Variants in JAKMIP3 observed in about 807,000 individuals in gnomAD.
The protein encoded by JAKMIP3 is janus kinase and microtubule-interacting protein 3.
A neutral mutation model predicts 118.5 loss-of-function variants in JAKMIP3; 58 were observed. The ratio of observed to expected loss-of-function variants is 0.49; its 90% CI spans 0.40 to 0.61. JAKMIP3 has a LOEUF of 0.61. Ranked by LOEUF, JAKMIP3 falls within the 20% of genes least tolerant of loss-of-function variation. JAKMIP3 has a pLI of 0.00. For missense variants in JAKMIP3, 950 were observed against 1,109.0 expected, an observed-to-expected ratio of 0.86 and a Z score of 2.04; for synonymous variants, 486 against 451.2, an observed-to-expected ratio of 1.08 and a Z score of -0.98.
chr10:132,160,995 T>A (rs1445531117), intron 19 of JAKMIP3, among the ~76,000 whole-genome samples: 13 of 2,544 alleles, frequency 5.1e-3, no homozygotes, highest in African/African-American at 0.017. Context: ...TGTGTGATGC[T>A]GGGGGGGGCC....
intron 1 of JAKMIP3, among the ~76,000 whole-genome samples, chr10:132,045,897 G>A (rs2133783629): frequency 6.8e-6 from 1 of 147,982 alleles, no homozygotes; most frequent in South Asian, 2.1e-4. Context: ...TTGCATCACT[G>A]CACTCCAGCC....
chr10:132,120,261 G>A (rs2048335880), intron 3 of JAKMIP3, among the ~76,000 whole-genome samples: 1 of 152,184 alleles, frequency 6.6e-6, no homozygotes, highest in South Asian at 2.1e-4. Context: ...GCCCGTGAGA[G>A]CCCCTGCCCC....
chr10:132,110,293 C>T (rs1448198706), intron 2 of JAKMIP3, among the ~76,000 whole-genome samples: 4 of 152,264 alleles, frequency 2.6e-5, no homozygotes, highest in Non-Finnish European at 4.4e-5. Flanking sequence ...AGCTCAGGCA[C>T]GGGCAGGTGC....
chr10:132,177,848 G>A (rs1450750287), intron 23 of JAKMIP3, among the ~76,000 whole-genome samples: 1 of 137,642 alleles, frequency 7.3e-6, no homozygotes, highest in Non-Finnish European at 1.5e-5. Context: ...TGTGCCCTGG[G>A]TAGTGTGCGT....
intron 1 of JAKMIP3, among the ~76,000 whole-genome samples, chr10:132,093,374 A>G (rs2043353034): frequency 6.6e-6 from 1 of 152,184 alleles, no homozygotes; most frequent in Admixed American, 6.5e-5. Flanking sequence ...TGGAGTCTAC[A>G]GAGGCAGGCA....
intron 1 of JAKMIP3, among the ~76,000 whole-genome samples, chr10:132,058,758 C>A (rs774771389): frequency 6.6e-6 from 1 of 152,204 alleles, no homozygotes; most frequent in African/African-American, 2.4e-5. Context: ...AGATGCTTCT[C>A]GACAGACGAG....
At chr10:132,041,485 A>C (rs547787862) in intron 1 of JAKMIP3, among the ~76,000 whole-genome samples, 155 of 152,328 alleles carry the variant, frequency 1.0e-3, no homozygotes, top group Non-Finnish European at 1.9e-3. Context: ...ACAGCGGTAA[A>C]CACCAGGAGC....
intron 23 of JAKMIP3, among the ~76,000 whole-genome samples, chr10:132,174,949 T>A (rs1407980566): frequency 2.0e-5 from 3 of 152,162 alleles, no homozygotes; most frequent in Non-Finnish European, 4.4e-5. Context: ...ATTTTTGTAT[T>A]GGGTTGTTTG....
chr10:132,057,639 T>C lies in JAKMIP3; in HGVS notation c.-138+20901T>C, dbSNP rs139811467. Among the ~76,000 whole-genome samples the C allele has an allele frequency of 8.0e-3, 1,225 of 152,308 alleles. 12 individuals carry two copies. The highest frequency in any genetic ancestry group is 0.028 in the African/African-American group (1,159 of 41,570). The stretch of plus-strand genomic sequence containing the variant: ...TCACCTGAGCAGCCCTGCACGTGTG[T>C]GTTCTCCGCTTGGCCTTCTTCTCCT... On this transcript the variant is annotated intron_variant, in intron 1 of 23. Transcript: ENST00000657785.
chr10:132,107,580 G>A (rs1193363444), intron 2 of JAKMIP3, among the ~76,000 whole-genome samples: 1 of 152,224 alleles, frequency 6.6e-6, no homozygotes, highest in South Asian at 2.1e-4. Context: ...TCGCCAGAGG[G>A]TTCATGTTAT....
At chr10:132,180,914 C>G (rs1022692740) in intron 23 of JAKMIP3, among the ~76,000 whole-genome samples, 1 of 151,788 alleles carries the variant, frequency 6.6e-6, no homozygotes, top group African/African-American at 2.4e-5. Flanking sequence ...ATTGCATGTG[C>G]CTGTATGTGT....
chr10:132,174,431 CT>C (rs2059961353), intron 23 of JAKMIP3, among the ~76,000 whole-genome samples: 1 of 151,818 alleles, frequency 6.6e-6, no homozygotes, highest in South Asian at 2.1e-4. Context: ...GCTCAGTGGG[CT>C]CCGTGGGCTC....
At chr10:132,119,088 G>A (rs1285917169) in intron 3 of JAKMIP3, among the ~76,000 whole-genome samples, 1 of 152,150 alleles carries the variant, frequency 6.6e-6, no homozygotes, top group African/African-American at 2.4e-5. Context: ...GCTATTCACA[G>A]TTCCTCTGGC....
intron 1 of JAKMIP3, among the ~76,000 whole-genome samples, chr10:132,058,687 T>C (rs60174107): frequency 0.037 from 5,650 of 152,242 alleles, 294 homozygotes; most frequent in East Asian, 0.24. Flanking sequence ...CCCAAAGCAG[T>C]GGGGAGGGGA....
chr10:132,180,612 T>C (rs868839621), intron 23 of JAKMIP3, among the ~76,000 whole-genome samples: 3,284 of 23,124 alleles, frequency 0.14, 835 homozygotes, highest in East Asian at 0.76. Flanking sequence ...CGCGTGTGTG[T>C]GTGCGTGTGT....
At chr10:132,145,654 G>T in intron 13 of JAKMIP3, 74 bp downstream of exon 13, 1 of 1,280,386 alleles carries the variant, frequency 7.8e-7, no homozygotes, top group Admixed American at 2.0e-5. Flanking sequence ...TCCCTGCGGG[G>T]CTGAAGGATG....
intron 2 of JAKMIP3, among the ~76,000 whole-genome samples, chr10:132,111,357 C>A (rs958213441): frequency 4.0e-5 from 6 of 151,886 alleles, no homozygotes; most frequent in Admixed American, 1.3e-4. Context: ...AGACCCCCCC[C>A]ATGAGCACAG....
intron 1 of JAKMIP3, among the ~76,000 whole-genome samples, chr10:132,056,843 G>T (rs1327228261): frequency 1.3e-5 from 2 of 152,278 alleles, no homozygotes; most frequent in East Asian, 3.9e-4. Context: ...GCCTGATGGT[G>T]ACTGATCCAT....
chr10:132,100,331 C>T (rs1333667464), intron 1 of JAKMIP3, among the ~76,000 whole-genome samples: 1 of 152,206 alleles, frequency 6.6e-6, no homozygotes, highest in Non-Finnish European at 1.5e-5. Flanking sequence ...CTGGACCTCC[C>T]GCATGGCTGA....
Sources: gnomAD v4.1 joint callset for allele counts (sites outside exome capture counted in the v4.1 genomes callset) on GRCh38, gnomAD v4.1.1 for gene constraint, MANE v1.5 for transcripts, NCBI Gene and HGNC (gene_info 2026-07-23, HGNC 2026-07-21) for gene names.